TNS3: variants seen among roughly 807,000 people sequenced by gnomAD.
TNS3 encodes the protein tensin 3.
TNS3 carries 45 observed loss-of-function variants against 140.9 expected under a neutral mutation model. The observed-to-expected ratio is 0.32, with a 90% CI of 0.25 to 0.41. The LOEUF is 0.41. TNS3 is among the 10% of genes least tolerant of loss of function. The probability of loss-of-function intolerance (pLI) is 1.00; values close to 1 mark genes in which losing one functional copy is unlikely to be tolerated. For missense variants in TNS3, 1,716 were observed against 1,906.7 expected (o/e 0.90, Z 1.86); for synonymous variants, 815 against 788.4 (o/e 1.03, Z -0.56).
chr7:47,304,292 A>C (rs1786611000), intron 21 of TNS3, among the ~76,000 whole-genome samples: 1 of 152,214 alleles, frequency 6.6e-6, no homozygotes, highest in African/African-American at 2.4e-5. Flanking sequence ...CACGTATTTC[A>C]CTAGCAATGG....
intron 16 of TNS3, among the ~76,000 whole-genome samples, chr7:47,387,642 G>A (rs1398430255): frequency 1.3e-5 from 2 of 152,190 alleles, no homozygotes; most frequent in Non-Finnish European, 2.9e-5. Flanking sequence ...CCCTCCCCTA[G>A]GAGGCCCTGG....
chr7:47,358,547 A>G lies in TNS3; in HGVS notation c.2281+9818T>C, dbSNP rs559848043. On this transcript the variant is annotated intron_variant, in intron 17 of 30. Coordinates refer to ENST00000311160, the MANE Select transcript of TNS3 (RefSeq NM_022748.12). ...GGCTGCGCTGAACATAAGTGTGGCCACAGGTCCACCAGGCTGATGAACTGT... is the reference window on the plus strand; with the variant it reads ...GGCTGCGCTGAACATAAGTGTGGCCGCAGGTCCACCAGGCTGATGAACTGT... Among the ~76,000 whole-genome samples the G allele has an allele frequency of 2.0e-5, 3 of 152,308 alleles. No homozygotes were observed. The South Asian group carries it at 6.2e-4, about 32-fold the overall frequency.
intron 4 of TNS3, among the ~76,000 whole-genome samples, chr7:47,461,901 A>T (rs1796505862): frequency 6.6e-6 from 1 of 152,142 alleles, no homozygotes; most frequent in South Asian, 2.1e-4. Context: ...AATTATTCCT[A>T]AGTATCTTTA....
chr7:47,389,032 A>G (rs1040370824), intron 16 of TNS3, among the ~76,000 whole-genome samples: 189 of 15,518 alleles, frequency 0.012, 21 homozygotes, highest in South Asian at 0.017. Context: ...AAGAAGAAGA[A>G]GAAGAAGAAG....
intron 27 of TNS3, among the ~76,000 whole-genome samples, chr7:47,289,820 A>G (rs1331697349): frequency 6.6e-6 from 1 of 152,228 alleles, no homozygotes; most frequent in Non-Finnish European, 1.5e-5. Context: ...AGTTCTTCCT[A>G]ATTTCATCTA....
At chr7:47,298,121 G>A (rs1208774329) in intron 23 of TNS3, among the ~76,000 whole-genome samples, 1 of 152,182 alleles carries the variant, frequency 6.6e-6, no homozygotes, top group Non-Finnish European at 1.5e-5. Flanking sequence ...TCTGATGATA[G>A]AAAGGGCATA....
At chr7:47,320,804 C>T (rs1202263777) in intron 20 of TNS3, among the ~76,000 whole-genome samples, 1 of 152,214 alleles carries the variant, frequency 6.6e-6, no homozygotes, top group East Asian at 1.9e-4. Flanking sequence ...TTCAGCCTAA[C>T]ACGAATTGTG....
At chr7:47,552,101 C>A (rs181182404) in intron 1 of TNS3, among the ~76,000 whole-genome samples, 1 of 150,188 alleles carries the variant, frequency 6.7e-6, no homozygotes, top group Non-Finnish European at 1.5e-5. Context: ...TCTGGCACAC[C>A]TAATTCATTT....
At chr7:47,284,618 T>G (rs896919012) in intron 27 of TNS3, among the ~76,000 whole-genome samples, 3 of 152,222 alleles carry the variant, frequency 2.0e-5, no homozygotes, top group African/African-American at 7.2e-5. Flanking sequence ...AGCCTTAGCC[T>G]GAAGCTCATT....
chr7:47,474,137 C>A (rs1028147710), intron 4 of TNS3, among the ~76,000 whole-genome samples: 11 of 151,478 alleles, frequency 7.3e-5, no homozygotes, highest in Admixed American at 4.6e-4. Context: ...CACACACACA[C>A]ACACACACAA....
intron 3 of TNS3, among the ~76,000 whole-genome samples, chr7:47,502,916 CAG>C (rs1798279930): frequency 1.3e-5 from 2 of 152,184 alleles, no homozygotes; most frequent in African/African-American, 4.8e-5. Context: ...GAGAGAGAAA[CAG>C]CAAGCTGGAC....
At chr7:47,552,416 A>G (rs371312651) in intron 1 of TNS3, among the ~76,000 whole-genome samples, 50 of 152,338 alleles carry the variant, frequency 3.3e-4, no homozygotes, top group African/African-American at 6.7e-4. Context: ...GCAGATACTC[A>G]GTTTTTTTTA....
At chr7:47,569,385 A>C (rs1800501370) in intron 1 of TNS3, among the ~76,000 whole-genome samples, 1 of 151,596 alleles carries the variant, frequency 6.6e-6, no homozygotes, top group African/African-American at 2.4e-5. Flanking sequence ...TCTACTAAAA[A>C]TTTAAAAAAT....
At chr7:47,485,434 TCCAGCTGGTGCC>T (rs1797576456) in intron 3 of TNS3, among the ~76,000 whole-genome samples, 1 of 152,224 alleles carries the variant, frequency 6.6e-6, no homozygotes, top group South Asian at 2.1e-4. Context: ...CAGAGATGAC[TCCAGCTGGTGCC>T]CCAGCTCCAG....
chr7:47,342,853 T>C (rs1239838870), intron 20 of TNS3, among the ~76,000 whole-genome samples: 1 of 152,212 alleles, frequency 6.6e-6, no homozygotes, highest in Non-Finnish European at 1.5e-5. Context: ...ACAACTCCAC[T>C]TGACTTTGCA....
intron 1 of TNS3, among the ~76,000 whole-genome samples, chr7:47,538,735 A>C (rs577591433): frequency 2.6e-5 from 4 of 152,268 alleles, no homozygotes; most frequent in Admixed American, 2.6e-4. Flanking sequence ...CTGGGTTCCA[A>C]TTCCTCACTA....
chr7:47,577,851 A>C (rs1800710414), intron 1 of TNS3, among the ~76,000 whole-genome samples: 1 of 152,158 alleles, frequency 6.6e-6, no homozygotes, highest in Non-Finnish European at 1.5e-5. Context: ...ACAGGGACAG[A>C]GAGGTCTCTC....
At chr7:47,564,635 C>CA (rs749603752) in intron 1 of TNS3, among the ~76,000 whole-genome samples, 51 of 30,142 alleles carry the variant, frequency 1.7e-3, no homozygotes, top group African/African-American at 3.7e-3. Context: ...GACTCCGTCT[C>CA]AAAAAAAAAA....
intron 4 of TNS3, among the ~76,000 whole-genome samples, chr7:47,469,776 C>G (rs1030472133): frequency 6.6e-6 from 1 of 152,000 alleles, no homozygotes; most frequent in Non-Finnish European, 1.5e-5. Context: ...GAGTTCGAGA[C>G]CAGCCTGACC....
Sources: allele counts gnomAD v4.1 joint callset (sites outside exome capture counted in the v4.1 genomes callset), GRCh38; gene constraint gnomAD v4.1.1; transcripts MANE v1.5; gene names NCBI Gene and HGNC (gene_info 2026-07-23, HGNC 2026-07-21).